DGKB: variants seen among roughly 807,000 people sequenced by gnomAD.
DGKB encodes diacylglycerol kinase beta.
Under a neutral mutation model 114.3 loss-of-function variants are expected in DGKB, and 67 were observed. The observed-to-expected ratio is 0.59, with a 90% CI of 0.48 to 0.72. The LOEUF (loss-of-function observed/expected upper bound fraction) is 0.72, where lower values mean the gene tolerates loss of function less well. Ranked by LOEUF, DGKB falls within the 30% of genes least tolerant of loss-of-function variation. The pLI, the probability that DGKB is intolerant of heterozygous loss-of-function variation, is 0.00. For missense variants in DGKB, 907 were observed against 975.2 expected (o/e 0.93, Z 0.93); for synonymous variants, 398 against 323.1 (o/e 1.23, Z -2.49).
chr7:14,235,932 G>A (rs187537061), intron 23 of DGKB, among the ~76,000 whole-genome samples: 82 of 151,962 alleles, frequency 5.4e-4, no homozygotes, highest in African/African-American at 1.8e-3. Flanking sequence ...ATATATGGAC[G>A]CACACACTGC....
At chr7:14,743,040 G>T (rs190955479) in intron 4 of DGKB, among the ~76,000 whole-genome samples, 2 of 152,182 alleles carry the variant, frequency 1.3e-5, no homozygotes, top group African/African-American at 4.8e-5. Context: ...TGAAATAAAA[G>T]CACAACAAGG....
chr7:14,656,723 G>A (rs1440540451), intron 13 of DGKB, among the ~76,000 whole-genome samples: 1 of 139,414 alleles, frequency 7.2e-6, no homozygotes, highest in African/African-American at 2.6e-5. Context: ...ATACATATAG[G>A]ATATATATAC....
intron 23 of DGKB, among the ~76,000 whole-genome samples, chr7:14,289,425 A>G (rs1483544113): frequency 6.6e-6 from 1 of 152,304 alleles, no homozygotes; most frequent in African/African-American, 2.4e-5. Context: ...CAATAATAAC[A>G]TATTTGCTGA....
intron 2 of DGKB, among the ~76,000 whole-genome samples, chr7:14,769,534 A>G (rs1837099567): frequency 6.6e-6 from 1 of 152,034 alleles, no homozygotes; most frequent in Non-Finnish European, 1.5e-5. Flanking sequence ...AATGAAAAAA[A>G]AAACTGCCAA....
chr7:14,495,337 G>T (rs1785149259), intron 20 of DGKB, among the ~76,000 whole-genome samples: 1 of 151,886 alleles, frequency 6.6e-6, no homozygotes, highest in Non-Finnish European at 1.5e-5. Flanking sequence ...ATGTTTCTCA[G>T]TAAAATATTT....
chr7:14,152,183 G>C (rs1451435313), intron 25 of DGKB, among the ~76,000 whole-genome samples: 1 of 152,036 alleles, frequency 6.6e-6, no homozygotes, highest in Non-Finnish European at 1.5e-5. Flanking sequence ...AAAGAATTTA[G>C]AATATATTAA....
At chr7:14,523,636 GT>G (rs1490196391) in intron 20 of DGKB, among the ~76,000 whole-genome samples, 1 of 151,884 alleles carries the variant, frequency 6.6e-6, no homozygotes, top group African/African-American at 2.4e-5. Flanking sequence ...ATATTATCTT[GT>G]TTGGAAATTG....
At chr7:14,577,581 C>G (rs781425394) in intron 19 of DGKB, among the ~76,000 whole-genome samples, 3 of 151,990 alleles carry the variant, frequency 2.0e-5, no homozygotes, top group Admixed American at 6.5e-5. Context: ...TGCGCCACTG[C>G]ACTCCAGCCT....
chr7:14,839,550 T>A (rs1449937625), intron 2 of DGKB, among the ~76,000 whole-genome samples: 1 of 151,818 alleles, frequency 6.6e-6, no homozygotes, highest in African/African-American at 2.4e-5. Flanking sequence ...TACATGTGCA[T>A]GCCAGCCTGC....
chr7:14,921,550 C>T (rs1242069811), intron 1 of DGKB, among the ~76,000 whole-genome samples: 1 of 152,134 alleles, frequency 6.6e-6, no homozygotes, highest in Non-Finnish European at 1.5e-5. Flanking sequence ...GAAAAATTTG[C>T]AATGTCTGCA....
At chr7:14,798,108 G>T (rs997915273) in intron 2 of DGKB, among the ~76,000 whole-genome samples, 1 of 152,214 alleles carries the variant, frequency 6.6e-6, no homozygotes, top group Middle Eastern at 3.4e-3. Flanking sequence ...AGCATCATTC[G>T]ATTAGTTAAA....
intron 20 of DGKB, among the ~76,000 whole-genome samples, chr7:14,489,529 T>C (rs1432303287): frequency 1.3e-5 from 2 of 152,210 alleles, no homozygotes; most frequent in East Asian, 3.8e-4. Context: ...AAGCTGCAAA[T>C]GTGTTCAGTG....
chr7:14,740,364 C>T (rs1355801750), intron 4 of DGKB, among the ~76,000 whole-genome samples: 2 of 152,108 alleles, frequency 1.3e-5, no homozygotes, highest in Non-Finnish European at 2.9e-5. Flanking sequence ...TAACACAGCC[C>T]TGTGAGTACA....
chr7:14,466,134 G>A (rs1780436130), intron 21 of DGKB, among the ~76,000 whole-genome samples: 1 of 152,168 alleles, frequency 6.6e-6, no homozygotes, highest in South Asian at 2.1e-4. Context: ...CAGTGGTTTG[G>A]TGACTATGAA....
intron 17 of DGKB, among the ~76,000 whole-genome samples, chr7:14,589,726 G>T (rs193182978): frequency 6.6e-6 from 1 of 151,832 alleles, no homozygotes; most frequent in Non-Finnish European, 1.5e-5. Context: ...AATCATTCTT[G>T]AAATCCTTTC....
chr7:14,286,915 C>T (rs1185084319), intron 23 of DGKB, among the ~76,000 whole-genome samples: 1 of 152,086 alleles, frequency 6.6e-6, no homozygotes, highest in Non-Finnish European at 1.5e-5. Context: ...CTGCAACCAA[C>T]ACATTCGCCA....
upstream of DGKB, among the ~76,000 whole-genome samples, chr7:14,907,021 CTT>C (rs1421589873): frequency 6.6e-6 from 1 of 152,056 alleles, no homozygotes; most frequent in Non-Finnish European, 1.5e-5. Flanking sequence ...CCAACTTTGG[CTT>C]TAATCATGAG....
chr7:14,628,617 G>A (rs1486037618), intron 14 of DGKB, among the ~76,000 whole-genome samples: 3 of 152,078 alleles, frequency 2.0e-5, no homozygotes, highest in African/African-American at 4.8e-5. Context: ...TTTAATGTAT[G>A]TATATATCTT....
intron 20 of DGKB, among the ~76,000 whole-genome samples, chr7:14,480,478 T>C (rs1782824294): frequency 6.6e-6 from 1 of 152,092 alleles, no homozygotes; most frequent in South Asian, 2.1e-4. Flanking sequence ...CCCTTTGGCA[T>C]AACCCCAAAG....
Sources: gnomAD v4.1 joint callset for allele counts (sites outside exome capture counted in the v4.1 genomes callset) on GRCh38, gnomAD v4.1.1 for gene constraint, MANE v1.5 for transcripts, NCBI Gene and HGNC (gene_info 2026-07-23, HGNC 2026-07-21) for gene names.